Variants in HMBOX1 observed in about 807,000 individuals in gnomAD.
The protein encoded by HMBOX1 is homeobox-containing protein 1.
HMBOX1 carries 14 observed loss-of-function variants against 54.5 expected under a neutral mutation model. That is an observed-to-expected ratio of 0.26 (90% CI 0.17 to 0.40). The LOEUF (loss-of-function observed/expected upper bound fraction) is 0.40, where lower values mean the gene tolerates loss of function less well. Among genes scored for constraint, HMBOX1 ranks in the 10% least tolerant of loss-of-function variants. The probability of loss-of-function intolerance (pLI) is 1.00; values close to 1 mark genes in which losing one functional copy is unlikely to be tolerated. For synonymous variants in HMBOX1, 160 were observed against 181.0 expected (o/e 0.88, Z 0.93); for missense variants, 332 against 514.4 (o/e 0.65, Z 3.43).
chr8:28,892,253 T>A (rs1811164179), intron 1 of HMBOX1, among the ~76,000 whole-genome samples: 1 of 152,234 alleles, frequency 6.6e-6, no homozygotes, highest in African/African-American at 2.4e-5. Flanking sequence ...AGTTGCTTGA[T>A]CTAGCTGAAT....
rs748838361 is a variant in HMBOX1, at chr8:28,955,147, CAT to C, written c.-57-8653_-57-8652del. 7.2e-5 allele frequency among the ~76,000 whole-genome samples: 11 copies of C among 151,864 alleles called. No individual in the cohort carries two copies. In the South Asian group the frequency reaches 1.2e-3, roughly 17 times the overall value. ...AATTCTTATAATTTTATCAAATATG[CAT>C]ATATATATATTTGTTACATGTATAT... On this transcript the variant is annotated intron_variant, in intron 1 of 9. Transcript: ENST00000287701.
chr8:28,976,884 T>G (rs937341647), intron 3 of HMBOX1, among the ~76,000 whole-genome samples: 2 of 151,892 alleles, frequency 1.3e-5, no homozygotes, highest in African/African-American at 4.8e-5. Context: ...TTTTAAAATA[T>G]TTTTGGTAGA....
intron 2 of HMBOX1, among the ~76,000 whole-genome samples, chr8:28,969,088 G>A (rs1280141535): frequency 6.6e-6 from 1 of 152,114 alleles, no homozygotes; most frequent in Non-Finnish European, 1.5e-5. Flanking sequence ...CAGGAGAATC[G>A]CTTGCACCCA....
intron 6 of HMBOX1, among the ~76,000 whole-genome samples, chr8:29,043,694 G>A (rs1805168968): frequency 6.6e-6 from 1 of 152,218 alleles, no homozygotes; most frequent in Admixed American, 6.5e-5. Flanking sequence ...TAAGTCTGAG[G>A]TGGGGTCTGA....
chr8:29,007,365 C>T (rs772547331), intron 4 of HMBOX1, among the ~76,000 whole-genome samples: 6 of 152,062 alleles, frequency 3.9e-5, no homozygotes, highest in South Asian at 2.1e-4. Context: ...TGGTGAAAGC[C>T]GAATTAATTA....
At chr8:29,001,846 C>A (rs1832720588) in intron 4 of HMBOX1, among the ~76,000 whole-genome samples, 1 of 152,174 alleles carries the variant, frequency 6.6e-6, no homozygotes, top group South Asian at 2.1e-4. Flanking sequence ...ATCTTTAAAT[C>A]TATAACCATG....
At chr8:29,020,450 T>C (rs575170068) in intron 6 of HMBOX1, among the ~76,000 whole-genome samples, 1 of 152,318 alleles carries the variant, frequency 6.6e-6, no homozygotes, top group Non-Finnish European at 1.5e-5. Flanking sequence ...CTTATTTTCC[T>C]TGGCAGCAAG....
chr8:28,942,679 T>A (rs1821665360), intron 1 of HMBOX1, among the ~76,000 whole-genome samples: 1 of 152,246 alleles, frequency 6.6e-6, no homozygotes, highest in Non-Finnish European at 1.5e-5. Flanking sequence ...GTCTGTTTCA[T>A]ATTAGCACAT....
At chr8:28,935,815 A>G (rs1389846103) in intron 1 of HMBOX1, among the ~76,000 whole-genome samples, 1 of 152,144 alleles carries the variant, frequency 6.6e-6, no homozygotes, top group Non-Finnish European at 1.5e-5. Flanking sequence ...CCAGTATAGT[A>G]TAGAAAAGAG....
intron 5 of HMBOX1, among the ~76,000 whole-genome samples, chr8:29,013,252 C>T (rs1322258264): frequency 6.6e-6 from 1 of 152,316 alleles, no homozygotes; most frequent in Non-Finnish European, 1.5e-5. Flanking sequence ...TCTCCTGCCT[C>T]AGCCTCAGGA....
chr8:28,983,611 A>G (rs1829739817), intron 4 of HMBOX1, among the ~76,000 whole-genome samples: 1 of 151,958 alleles, frequency 6.6e-6, no homozygotes, highest in Admixed American at 6.5e-5. Context: ...TTCCTTACAC[A>G]AAGAGTCTAG....
Position 28,963,884 on chromosome 8 carries a change from C to T in HMBOX1, c.17C>T (p.Pro6Leu). 2 of 1,602,204 alleles carry T rather than the reference C, an allele frequency of 1.2e-6. No homozygotes were observed. Among genetic ancestry groups the T allele is most frequent in the Non-Finnish European group, 1.7e-6 (2 of 1,172,928 alleles). The change falls in exon 2 of 10, where the codon CCA (proline) becomes CTA (leucine). Residue 6 changes from proline (P) to leucine (L), a missense_variant. Physicochemically the swap from Pro to Leu is moderately conservative, Grantham distance 98 (BLOSUM62 -3). Around this residue, in one of 4 missense-constraint regions of HMBOX1, gnomAD observed 146 missense variants for 173.3 expected, o/e 0.84. Coordinates refer to ENST00000287701, the MANE Select transcript of HMBOX1 (RefSeq NM_001135726.3). MLSSF[P>L]VVLLETMSHY... ...ATGTAAAGTATGCTTAGTTCCTTTC[C>T]AGTGGTGTAAGTATCAAGTCCTTTT...
intron 1 of HMBOX1, among the ~76,000 whole-genome samples, chr8:28,922,522 T>C (rs1420955256): frequency 6.6e-6 from 1 of 152,226 alleles, no homozygotes; most frequent in South Asian, 2.1e-4. Context: ...AAAACATTCT[T>C]TGTTTAATGT....
chr8:28,959,388 A>G (rs1825060184), intron 1 of HMBOX1, among the ~76,000 whole-genome samples: 2 of 152,188 alleles, frequency 1.3e-5, no homozygotes, highest in Non-Finnish European at 2.9e-5. Flanking sequence ...AAGGAGGAGC[A>G]TGAGGTTTCT....
At chr8:29,030,184 T>TG (rs2133162204) in intron 6 of HMBOX1, among the ~76,000 whole-genome samples, 2 of 151,866 alleles carry the variant, frequency 1.3e-5, no homozygotes, top group South Asian at 4.2e-4. Flanking sequence ...TTCCAGTTTT[T>TG]TTTTTTTTTT....
At chr8:29,035,155 G>T (rs1187128269) in intron 6 of HMBOX1, among the ~76,000 whole-genome samples, 2 of 152,218 alleles carry the variant, frequency 1.3e-5, no homozygotes, top group East Asian at 3.9e-4. Flanking sequence ...ATCCCTGGGA[G>T]GACCAGTTCT....
At chr8:28,918,344 C>T (rs1163023658) in intron 1 of HMBOX1, among the ~76,000 whole-genome samples, 1 of 152,152 alleles carries the variant, frequency 6.6e-6, no homozygotes, top group African/African-American at 2.4e-5. Flanking sequence ...GCTGGGGCTA[C>T]AGGTGCATGC....
At position 29,051,719 on chromosome 8, in the gene HMBOX1, C is replaced by T. The variant is rs1297620921; in HGVS notation, c.*564C>T. On this transcript the variant is annotated 3_prime_UTR_variant, in exon 10 of 10. Transcript: ENST00000287701. ...ATAGCCACACTGTGGCTAGATTATA[C>T]TTCTTTGGGTGCTGTGCTAAGAATG... The T allele has an allele frequency of 7.4e-6, 5 of 672,950 alleles. No homozygotes were observed. The highest frequency in any genetic ancestry group is 1.5e-5 in the South Asian group (1 of 64,744). The allele number at this position is 672,950 out of a possible 1,614,324, so 41.7% of individuals were successfully genotyped here.
chr8:29,006,942 T>A (rs1293675048), intron 4 of HMBOX1, among the ~76,000 whole-genome samples: 1 of 152,206 alleles, frequency 6.6e-6, no homozygotes, highest in African/African-American at 2.4e-5. Flanking sequence ...TTTTATTTTG[T>A]TGACATGAAA....
Sources: gnomAD v4.1 joint callset for allele counts (sites outside exome capture counted in the v4.1 genomes callset) on GRCh38, gnomAD v4.1.1 for gene constraint, gnomAD v4.1.1 regional missense constraint, MANE v1.5 for transcripts, NCBI Gene and HGNC (gene_info 2026-07-23, HGNC 2026-07-21) for gene names.